The following MEMO1 variants were observed in gnomAD, a reference collection of about 807,000 sequenced individuals.
The protein encoded by MEMO1 is mediator of cell motility 1.
In MEMO1, 6 loss-of-function variants were observed where a neutral mutation model predicts 45.2. That is an observed-to-expected ratio of 0.13 (90% CI 0.07 to 0.26). The LOEUF (loss-of-function observed/expected upper bound fraction) is 0.26, where lower values mean the gene tolerates loss of function less well. Ranked by LOEUF, MEMO1 falls within the 10% of genes least tolerant of loss-of-function variation. The pLI is 1.00. For synonymous variants in MEMO1, 78 were observed against 124.3 expected (o/e 0.63, Z 2.48); for missense variants, 184 against 370.5 (o/e 0.50, Z 4.13).
chr2:32,003,934 T>A (rs1011466809), intron 2 of MEMO1, among the ~76,000 whole-genome samples: 1 of 152,150 alleles, frequency 6.6e-6, no homozygotes, highest in African/African-American at 2.4e-5. Flanking sequence ...ACATCTGTAG[T>A]TAGCTACTCA....
At chr2:31,986,278 A>G (rs1238318652) in intron 2 of MEMO1, among the ~76,000 whole-genome samples, 1 of 152,094 alleles carries the variant, frequency 6.6e-6, no homozygotes, top group African/African-American at 2.4e-5. Context: ...AGGGGCCTGT[A>G]GTCCCAGCCA....
chr2:31,873,750 T>C (rs1177901329), intron 8 of MEMO1, among the ~76,000 whole-genome samples: 1 of 152,160 alleles, frequency 6.6e-6, no homozygotes, highest in African/African-American at 2.4e-5. Context: ...GTTTAAAGGA[T>C]ATATATTTAT....
At chr2:32,007,208 C>T (rs1454809581) in intron 2 of MEMO1, among the ~76,000 whole-genome samples, 1 of 152,080 alleles carries the variant, frequency 6.6e-6, no homozygotes, top group Non-Finnish European at 1.5e-5. Context: ...TTAAATTGAA[C>T]TATTTACATT....
chr2:31,890,641 T>TG (rs1331204970), intron 7 of MEMO1, among the ~76,000 whole-genome samples: 3 of 152,096 alleles, frequency 2.0e-5, no homozygotes, highest in Non-Finnish European at 1.5e-5. Flanking sequence ...AGAGCTTCTC[T>TG]GGGGGGTTGG....
rs188908139 is a variant in MEMO1, at chr2:31,900,025, A to G, written c.438-7891T>C. The stretch of plus-strand genomic sequence containing the variant: ...GAATGGCAATCATTAAAAAGTCAGC[A>G]AACAACAGATGCTAGAGAGGATGTG... On this transcript the variant is annotated intron_variant, in intron 6 of 9. Coordinates refer to ENST00000404530, the MANE Select transcript of MEMO1 (RefSeq NM_001301833.4). Among the ~76,000 whole-genome samples, 614 of 152,344 alleles carry G rather than the reference A, an allele frequency of 4.0e-3. 8 individuals are homozygous for G. Among genetic ancestry groups the G allele is most frequent in the Non-Finnish European group, 2.5e-3 (171 of 68,032 alleles).
chr2:31,869,298 AAT>A (rs1213724806), intron 9 of MEMO1, among the ~76,000 whole-genome samples: 4 of 152,118 alleles, frequency 2.6e-5, no homozygotes, highest in African/African-American at 9.6e-5. Context: ...TCAAGAAATT[AAT>A]AGTTTTCCTA....
intron 2 of MEMO1, among the ~76,000 whole-genome samples, chr2:31,949,924 TA>T (rs1410645381): frequency 6.6e-6 from 1 of 151,790 alleles, no homozygotes; most frequent in Non-Finnish European, 1.5e-5. Context: ...CCGCAAAAAA[TA>T]AAAATTAAAA....
chr2:31,885,558 C>T (rs181114560), intron 7 of MEMO1, among the ~76,000 whole-genome samples: 1 of 152,322 alleles, frequency 6.6e-6, no homozygotes, highest in Admixed American at 6.5e-5. Flanking sequence ...TTTGACAAAG[C>T]TGTCCAAAAT....
chr2:31,962,920 T>A (rs1370131482), intron 2 of MEMO1, among the ~76,000 whole-genome samples: 1 of 152,214 alleles, frequency 6.6e-6, no homozygotes, highest in Admixed American at 6.5e-5. Flanking sequence ...TTATCCTCCC[T>A]ATGTGGGTAG....
chr2:31,886,893 C>T (rs1676266917), intron 7 of MEMO1, among the ~76,000 whole-genome samples: 1 of 152,090 alleles, frequency 6.6e-6, no homozygotes. Context: ...TGACACTGCC[C>T]CTAGGGGCAG....
intron 2 of MEMO1, among the ~76,000 whole-genome samples, chr2:31,946,078 C>T (rs1338720428): frequency 6.6e-6 from 1 of 152,080 alleles, no homozygotes; most frequent in Non-Finnish European, 1.5e-5. Context: ...TTTTCTTCTA[C>T]CTTTGAAGAG....
chr2:31,925,411 G>A (rs1466403587), intron 4 of MEMO1, among the ~76,000 whole-genome samples: 1 of 145,848 alleles, frequency 6.9e-6, no homozygotes, highest in Non-Finnish European at 1.5e-5. Flanking sequence ...GGGAGGCAGA[G>A]GTTGCAGTGA....
chr2:31,951,627 G>A (rs557494244), intron 2 of MEMO1, among the ~76,000 whole-genome samples: 3 of 151,978 alleles, frequency 2.0e-5, no homozygotes, highest in South Asian at 4.2e-4. Flanking sequence ...CCACCTCCCA[G>A]GTTCAAGCTA....
intron 2 of MEMO1, among the ~76,000 whole-genome samples, chr2:31,946,653 G>A (rs893288385): frequency 5.9e-5 from 9 of 152,098 alleles, no homozygotes; most frequent in African/African-American, 2.2e-4. Context: ...CCTGAGCTCA[G>A]TAGATCAAGA....
chr2:31,997,587 A>G (rs1050900599), intron 2 of MEMO1, among the ~76,000 whole-genome samples: 7 of 152,212 alleles, frequency 4.6e-5, no homozygotes, highest in Non-Finnish European at 1.0e-4. Flanking sequence ...AGTCAGAATT[A>G]GTCAATCTTA....
intron 2 of MEMO1, among the ~76,000 whole-genome samples, chr2:31,983,583 C>CTG: frequency 6.6e-6 from 1 of 152,166 alleles, no homozygotes; most frequent in Admixed American, 6.5e-5. Context: ...TACAGGCATG[C>CTG]ACCACCATAC....
chr2:31,915,489 T>C (rs772457935), intron 6 of MEMO1, among the ~76,000 whole-genome samples: 53 of 152,192 alleles, frequency 3.5e-4, no homozygotes, highest in Middle Eastern at 3.4e-3. Flanking sequence ...AAATGTGCTA[T>C]GTAGTTTCCA....
rs1276237834 is a variant in MEMO1, at chr2:31,968,972, TAAG to T, written c.62-25592_62-25590del. ...AAAGTTAAAAAAATGGTTGATAAAC[TAAG>T]AAGTTTAAAATACCAAACAAGTAGG... On this transcript the variant is annotated intron_variant, in intron 2 of 9. Transcript: ENST00000404530. 7.2e-5 allele frequency among the ~76,000 whole-genome samples: 11 copies of T among 152,128 alleles called. No homozygotes were observed. The South Asian group carries it at 2.1e-3, about 29-fold the overall frequency.
At chr2:31,888,458 TGAA>T (rs1676494610) in intron 7 of MEMO1, among the ~76,000 whole-genome samples, 2 of 152,058 alleles carry the variant, frequency 1.3e-5, no homozygotes, top group Non-Finnish European at 2.9e-5. Context: ...ATCACATATA[TGAA>T]GAAGGCCAAA....
Sources: allele counts gnomAD v4.1 joint callset (sites outside exome capture counted in the v4.1 genomes callset), GRCh38; gene constraint gnomAD v4.1.1; transcripts MANE v1.5; gene names NCBI Gene and HGNC (gene_info 2026-07-23, HGNC 2026-07-21).